The following FBXW4 variants were observed in gnomAD, a reference collection of about 807,000 sequenced individuals.
FBXW4 encodes F-box/WD repeat-containing protein 4.
Under a neutral mutation model 61.8 loss-of-function variants are expected in FBXW4, and 40 were observed. That is an observed-to-expected ratio of 0.65 (90% CI 0.50 to 0.84). FBXW4 has a LOEUF of 0.84. FBXW4 is among the 40% of genes least tolerant of loss of function. FBXW4 has a pLI of 0.00. For synonymous variants in FBXW4, 311 were observed against 313.8 expected (o/e 0.99, Z 0.10); for missense variants, 672 against 753.8 (o/e 0.89, Z 1.27).
intron 5 of FBXW4, among the ~76,000 whole-genome samples, chr10:101,637,271 A>G (rs2064011463): frequency 6.6e-6 from 1 of 150,492 alleles, no homozygotes; most frequent in African/African-American, 2.4e-5. Context: ...GGGCACCTGT[A>G]GTCCCAGCTA....
chr10:101,659,133 T>C (rs1313940059), intron 5 of FBXW4, among the ~76,000 whole-genome samples: 1 of 151,940 alleles, frequency 6.6e-6, no homozygotes, highest in Non-Finnish European at 1.5e-5. Context: ...GTGTCCCAGA[T>C]TAATCACCAC....
chr10:101,650,506 G>A (rs958348415), intron 5 of FBXW4, among the ~76,000 whole-genome samples: 2 of 152,192 alleles, frequency 1.3e-5, no homozygotes, highest in Non-Finnish European at 2.9e-5. Flanking sequence ...CCAGTCACAA[G>A]GGGGGTTTAA....
chr10:101,681,784 G>A (rs1192465474), intron 1 of FBXW4, among the ~76,000 whole-genome samples: 4 of 150,524 alleles, frequency 2.7e-5, no homozygotes, highest in Non-Finnish European at 5.9e-5. Flanking sequence ...TTAATAGATG[G>A]TGCTTTATTA....
chr10:101,678,332 C>A (rs1330788886), intron 1 of FBXW4, among the ~76,000 whole-genome samples: 6 of 152,242 alleles, frequency 3.9e-5, no homozygotes, highest in Admixed American at 3.9e-4. Context: ...GCTTGCTCCA[C>A]TGCCCATACA....
At chr10:101,670,444 G>C (rs922584123) in intron 4 of FBXW4, among the ~76,000 whole-genome samples, 1 of 152,194 alleles carries the variant, frequency 6.6e-6, no homozygotes, top group South Asian at 2.1e-4. Flanking sequence ...CAGGTATCAG[G>C]CAAACAATAA....
At chr10:101,646,413 A>G (rs2064096924) in intron 5 of FBXW4, among the ~76,000 whole-genome samples, 1 of 152,218 alleles carries the variant, frequency 6.6e-6, no homozygotes, top group Non-Finnish European at 1.5e-5. Flanking sequence ...GCTGAAATGC[A>G]GGGGTCCCTG....
intron 5 of FBXW4, among the ~76,000 whole-genome samples, chr10:101,654,358 C>T (rs1036003304): frequency 1.3e-5 from 2 of 151,854 alleles, no homozygotes; most frequent in Non-Finnish European, 2.9e-5. Context: ...TTAAATTGTA[C>T]ATTTTAAATG....
chr10:101,637,716 A>G (rs868788362), intron 5 of FBXW4, among the ~76,000 whole-genome samples: 1 of 151,280 alleles, frequency 6.6e-6, no homozygotes, highest in Non-Finnish European at 1.5e-5. Context: ...AAAAAAAAAA[A>G]AAAAAAGGTC....
intron 5 of FBXW4, among the ~76,000 whole-genome samples, chr10:101,642,205 T>C (rs2064059225): frequency 6.6e-6 from 1 of 151,964 alleles, no homozygotes; most frequent in African/African-American, 2.4e-5. Context: ...CACATGTGTA[T>C]GTGTTTAGGA....
intron 1 of FBXW4, among the ~76,000 whole-genome samples, chr10:101,677,102 G>A (rs866390778): frequency 2.0e-5 from 3 of 152,096 alleles, no homozygotes; most frequent in African/African-American, 7.2e-5. Context: ...CATTGTTGGT[G>A]GGAAAGCAAA....
At chr10:101,660,228 C>T (rs1310339507) in intron 5 of FBXW4, 1 of 977,960 alleles carries the variant, frequency 1.0e-6, no homozygotes, top group African/African-American at 1.8e-5. Flanking sequence ...CTTGTACCTC[C>T]AAAACTCCAG....
At position 101,667,930 on chromosome 10, in the gene FBXW4, C is replaced by T. The variant is rs780430348; in HGVS notation, c.1191G>A (p.Gln397=). 8.7e-6 allele frequency: 14 copies of T among 1,614,098 alleles called. No individual in the cohort carries two copies. The highest frequency in any genetic ancestry group is 1.7e-5 in the Admixed American group (1 of 60,012). ...GRLGQCLHTI[Q]TEDRVWSIAI... is the part of the protein sequence containing the mutation. Reference sequence around the variant, plus strand: ...CAATGGACCAGACTCGGTCTTCAGTCTGGATGGTGTGTAAGCACTGCCCCA... The same window carrying T: ...CAATGGACCAGACTCGGTCTTCAGTTTGGATGGTGTGTAAGCACTGCCCCA... Residue 397 remains glutamine, a synonymous_variant, in exon 5 of 9, where the codon CAG becomes CAA. Coordinates refer to ENST00000331272, the MANE Select transcript of FBXW4 (RefSeq NM_022039.4).
At chr10:101,670,575 A>G (rs1156818422) in intron 4 of FBXW4, among the ~76,000 whole-genome samples, 1 of 152,222 alleles carries the variant, frequency 6.6e-6, no homozygotes, top group African/African-American at 2.4e-5. Context: ...GCCACTTCCA[A>G]TCAGCTCCCT....
intron 5 of FBXW4, among the ~76,000 whole-genome samples, chr10:101,665,720 G>A (rs73351236): frequency 0.027 from 4,051 of 152,266 alleles, 183 homozygotes; most frequent in African/African-American, 0.089. Context: ...TCTTAATGAT[G>A]AGGGCAGACT....
chr10:101,636,656 C>T (rs181940879), intron 5 of FBXW4, among the ~76,000 whole-genome samples: 25 of 151,066 alleles, frequency 1.7e-4, no homozygotes, highest in Admixed American at 3.3e-4. Flanking sequence ...GGTGCAATCT[C>T]GGCTCTCTGC....
intron 5 of FBXW4, among the ~76,000 whole-genome samples, chr10:101,642,914 A>T (rs1457531815): frequency 6.6e-6 from 1 of 152,210 alleles, no homozygotes; most frequent in Non-Finnish European, 1.5e-5. Context: ...ATCTGGGGGT[A>T]CGCACATACA....
intron 2 of FBXW4, among the ~76,000 whole-genome samples, chr10:101,674,116 G>A (rs1248881201): frequency 6.6e-6 from 1 of 152,052 alleles, no homozygotes; most frequent in South Asian, 2.1e-4. Context: ...GATCACCTGA[G>A]GCCAGGAGTT....
Position 101,611,277 on chromosome 10 carries a change from G to A in FBXW4, c.*14C>T, listed in dbSNP as rs1359711740. The stretch of plus-strand genomic sequence containing the variant: ...CTGGTTTCCCTGGCCCAGAGGCAGG[G>A]GTGGCCCTGACGGTCATGGGTTTTG... On this transcript the variant is annotated 3_prime_UTR_variant, in exon 9 of 9. Coordinates refer to ENST00000331272, the MANE Select transcript of FBXW4 (RefSeq NM_022039.4). The surrounding 1 kb of genome is among the most constrained non-coding windows in gnomAD (Gnocchi z 4.9). 3.1e-6 allele frequency: 5 copies of A among 1,611,950 alleles called. No homozygotes were observed. The highest frequency in any genetic ancestry group is 1.1e-5 in the South Asian group (1 of 90,702).
At chr10:101,663,973 G>A (rs929449441) in intron 5 of FBXW4, among the ~76,000 whole-genome samples, 35 of 152,276 alleles carry the variant, frequency 2.3e-4, no homozygotes, top group Admixed American at 1.4e-3. Context: ...AGAAGAAAAG[G>A]TCCTTGCCTG....
Sources: allele counts gnomAD v4.1 joint callset (sites outside exome capture counted in the v4.1 genomes callset), GRCh38; gene constraint gnomAD v4.1.1; non-coding constraint Gnocchi (gnomAD v3.1); transcripts MANE v1.5; gene names NCBI Gene and HGNC (gene_info 2026-07-23, HGNC 2026-07-21).